Variants in DAB1 observed in about 807,000 individuals in gnomAD.
The protein encoded by DAB1 is DAB adaptor protein 1.
In DAB1, 15 loss-of-function variants were observed where a neutral mutation model predicts 64.6. That is an observed-to-expected ratio of 0.23 (90% confidence interval 0.16 to 0.36). The LOEUF (loss-of-function observed/expected upper bound fraction) is 0.36, where lower values mean the gene tolerates loss of function less well. DAB1 is among the 10% of genes least tolerant of loss of function. The pLI is 1.00. For missense variants in DAB1, 596 were observed against 706.7 expected (o/e 0.84, Z 1.78); for synonymous variants, 235 against 251.9 (o/e 0.93, Z 0.64).
intron 3 of DAB1, among the ~76,000 whole-genome samples, chr1:58,347,426 T>A (rs1182520494): frequency 6.6e-6 from 1 of 152,108 alleles, no homozygotes; most frequent in Non-Finnish European, 1.5e-5. Context: ...ATGAATAGGG[T>A]GCACATAGGA....
At chr1:58,289,387 A>T (rs1195136008) in intron 4 of DAB1, among the ~76,000 whole-genome samples, 1 of 152,198 alleles carries the variant, frequency 6.6e-6, no homozygotes, top group East Asian at 1.9e-4. Context: ...GAACATTATC[A>T]GACCAGGAAT....
chr1:57,468,570 G>C (rs1300595951), intron 7 of DAB1, among the ~76,000 whole-genome samples: 10 of 152,128 alleles, frequency 6.6e-5, no homozygotes. Flanking sequence ...TGGTGGCTCT[G>C]AACAGACAGG....
intron 9 of DAB1, chr1:57,033,409 CAA>C (rs1305257207): frequency 1.2e-6 from 2 of 1,612,790 alleles, no homozygotes; most frequent in Non-Finnish European, 1.7e-6. Context: ...AAAATCTCAT[CAA>C]AGTCTGTGGG....
At chr1:57,825,038 T>C (rs1332862050), downstream of DAB1, among the ~76,000 whole-genome samples, 1 of 152,250 alleles carries the variant, frequency 6.6e-6, no homozygotes, top group African/African-American at 2.4e-5. Context: ...TTTAACGTCA[T>C]GGCTTCAGAC....
At chr1:58,112,349 C>G (rs1309548414) in intron 5 of DAB1, among the ~76,000 whole-genome samples, 1 of 152,208 alleles carries the variant, frequency 6.6e-6, no homozygotes, top group Admixed American at 6.5e-5. Flanking sequence ...GAATCTATAA[C>G]AGTGCCAAGT....
At chr1:57,263,062 G>T (rs924481993) in intron 2 of DAB1, among the ~76,000 whole-genome samples, 5 of 152,176 alleles carry the variant, frequency 3.3e-5, no homozygotes, top group Non-Finnish European at 7.3e-5. Context: ...GTGACCTGAG[G>T]CAAGTTAGTT....
intron 2 of DAB1, among the ~76,000 whole-genome samples, chr1:57,212,656 C>T (rs1381184899): frequency 1.3e-5 from 2 of 151,980 alleles, no homozygotes; most frequent in African/African-American, 2.4e-5. Flanking sequence ...TGTGAGCCAC[C>T]GCGCCCCGCC....
chr1:57,600,342 A>G (rs1230427665), intron 7 of DAB1, among the ~76,000 whole-genome samples: 1 of 152,196 alleles, frequency 6.6e-6, no homozygotes, highest in Non-Finnish European at 1.5e-5. Flanking sequence ...GAAAAATAAA[A>G]AATCTCACCA....
chr1:57,187,189 GTGT>G (rs915681210), intron 2 of DAB1, among the ~76,000 whole-genome samples: 4 of 152,162 alleles, frequency 2.6e-5, no homozygotes, highest in Admixed American at 2.6e-4. Context: ...TCTTAAAAAT[GTGT>G]TGTTGTCTTT....
At chr1:58,204,551 A>T (rs913558140) in intron 4 of DAB1, among the ~76,000 whole-genome samples, 1 of 152,214 alleles carries the variant, frequency 6.6e-6, no homozygotes, top group Admixed American at 6.5e-5. Context: ...TGATACACAG[A>T]TTAGCTCTGT....
chr1:57,496,861 T>C (rs549603416), intron 7 of DAB1, among the ~76,000 whole-genome samples: 1 of 152,252 alleles, frequency 6.6e-6, no homozygotes, highest in Admixed American at 6.5e-5. Flanking sequence ...AAAAAACATG[T>C]TTCAGTATTT....
intron 4 of DAB1, among the ~76,000 whole-genome samples, chr1:58,249,264 A>T (rs1660689554): frequency 6.6e-6 from 1 of 151,602 alleles, no homozygotes; most frequent in Admixed American, 6.6e-5. Context: ...TTTAATCTTA[A>T]ATTCCCAGAA....
chr1:57,622,884 T>G (rs902985931), intron 7 of DAB1, among the ~76,000 whole-genome samples: 6 of 152,206 alleles, frequency 3.9e-5, no homozygotes, highest in African/African-American at 1.2e-4. Context: ...CTCCTTAGTT[T>G]AGGCCATGAG....
intron 5 of DAB1, among the ~76,000 whole-genome samples, chr1:57,909,604 C>T (rs931407936): frequency 6.6e-6 from 1 of 152,210 alleles, no homozygotes; most frequent in South Asian, 2.1e-4. Flanking sequence ...TTGCCCATTA[C>T]AGCTATCTAC....
At chr1:57,151,859 G>A (rs940723730) in intron 2 of DAB1, among the ~76,000 whole-genome samples, 1 of 140,316 alleles carries the variant, frequency 7.1e-6, no homozygotes, top group African/African-American at 2.8e-5. Context: ...TATTGCCCAG[G>A]CTGGAGTGCA....
intron 4 of DAB1, among the ~76,000 whole-genome samples, chr1:57,081,109 T>C (rs374182504): frequency 1.7e-3 from 264 of 152,320 alleles, no homozygotes; most frequent in South Asian, 7.3e-3. Flanking sequence ...AGGCATGTAC[T>C]GTATATAGAA....
intron 6 of DAB1, among the ~76,000 whole-genome samples, chr1:57,806,457 G>T (rs558867698): frequency 6.6e-6 from 1 of 152,174 alleles, no homozygotes; most frequent in African/African-American, 2.4e-5. Context: ...GGCAGGGATC[G>T]GGGTGATTTG....
intron 5 of DAB1, among the ~76,000 whole-genome samples, chr1:57,910,425 C>A (rs938220143): frequency 7.9e-5 from 12 of 152,206 alleles, no homozygotes; most frequent in Non-Finnish European, 1.5e-4. Context: ...CGATGAATAC[C>A]TTGGGAACAG....
At chr1:57,262,486 C>T (rs952993113) in intron 2 of DAB1, among the ~76,000 whole-genome samples, 2 of 152,204 alleles carry the variant, frequency 1.3e-5, no homozygotes, top group African/African-American at 2.4e-5. Flanking sequence ...ACAGACAGAG[C>T]ACTGAAACCC....
Sources: allele counts gnomAD v4.1 joint callset (sites outside exome capture counted in the v4.1 genomes callset), GRCh38; gene constraint gnomAD v4.1.1; transcripts MANE v1.5; gene names NCBI Gene and HGNC (gene_info 2026-07-23, HGNC 2026-07-21).